Variants in SORCS3 observed in about 807,000 individuals in gnomAD.
SORCS3 encodes VPS10 domain-containing receptor SorCS3.
Under a neutral mutation model 146.3 loss-of-function variants are expected in SORCS3, and 57 were observed. The ratio of observed to expected loss-of-function variants is 0.39; its 90% CI spans 0.31 to 0.49. The LOEUF is 0.49. Among genes scored for constraint, SORCS3 ranks in the 20% least tolerant of loss-of-function variants. SORCS3 has a pLI of 0.92. For synonymous variants in SORCS3, 653 were observed against 618.5 expected, an observed-to-expected ratio of 1.06 and a Z score of -0.83; for missense variants, 1,341 against 1,575.5, an observed-to-expected ratio of 0.85 and a Z score of 2.52.
intron 6 of SORCS3, among the ~76,000 whole-genome samples, chr10:105,096,981 T>C (rs1055752032): frequency 1.3e-5 from 2 of 152,260 alleles, no homozygotes; most frequent in Non-Finnish European, 2.9e-5. Context: ...ACATGATTAC[T>C]GAAAAATTTA....
At chr10:104,838,704 C>A (rs1045723121) in intron 1 of SORCS3, among the ~76,000 whole-genome samples, 6 of 152,148 alleles carry the variant, frequency 3.9e-5, no homozygotes, top group Non-Finnish European at 7.3e-5. Context: ...ATTAGAATCT[C>A]ACCGTGGTGG....
chr10:105,030,531 G>T (rs1415322282), intron 4 of SORCS3, among the ~76,000 whole-genome samples: 1 of 151,984 alleles, frequency 6.6e-6, no homozygotes, highest in Non-Finnish European at 1.5e-5. Context: ...CAAGGAACAA[G>T]GACAATCTAG....
chr10:105,045,617 G>A (rs2055366835), intron 5 of SORCS3, among the ~76,000 whole-genome samples: 1 of 152,064 alleles, frequency 6.6e-6, no homozygotes, highest in East Asian at 1.9e-4. Context: ...GGTTAGGGAT[G>A]TAAATATTAA....
chr10:104,927,838 A>G (rs955064679), intron 3 of SORCS3, among the ~76,000 whole-genome samples: 4 of 151,386 alleles, frequency 2.6e-5, no homozygotes, highest in Admixed American at 2.0e-4. Context: ...AGATCGTACC[A>G]TTGCACTCCA....
At chr10:104,980,961 G>T (rs752686068) in intron 4 of SORCS3, among the ~76,000 whole-genome samples, 6 of 152,164 alleles carry the variant, frequency 3.9e-5, no homozygotes, top group Non-Finnish European at 7.3e-5. Flanking sequence ...AGTTAACTGG[G>T]AAACATGTCT....
chr10:104,897,092 T>C (rs1482259004), intron 2 of SORCS3, among the ~76,000 whole-genome samples: 1 of 152,172 alleles, frequency 6.6e-6, no homozygotes, highest in African/African-American at 2.4e-5. Flanking sequence ...GTTCATTTAA[T>C]GTGCAAAACT....
At chr10:105,123,973 G>A (rs1345527366) in intron 7 of SORCS3, among the ~76,000 whole-genome samples, 4 of 152,182 alleles carry the variant, frequency 2.6e-5, no homozygotes, top group Non-Finnish European at 5.9e-5. Flanking sequence ...ACAATTATGT[G>A]TGTGAGTATA....
chr10:105,034,117 G>C (rs1404856256), intron 4 of SORCS3, among the ~76,000 whole-genome samples: 2 of 152,118 alleles, frequency 1.3e-5, no homozygotes, highest in East Asian at 1.9e-4. Flanking sequence ...TTCATGCTTT[G>C]ATGAATGTTG....
rs919594954 is a variant in SORCS3 at position 104,737,374 on chromosome 10, A to C, written c.627+95420A>C. 3.9e-4 allele frequency among the ~76,000 whole-genome samples: 59 copies of C among 152,178 alleles called. 1 individual carries two copies. The highest frequency in any genetic ancestry group is 1.4e-3 in the Admixed American group (21 of 15,294). On this transcript the variant is annotated intron_variant, in intron 1 of 26. Transcript: ENST00000369701. ...GCCACACTGACTTCCACAATGGTTG[A>C]ACTAGTTTACAGTCCCACCAACAGT...
chr10:104,789,204 AG>A (rs1234746008), intron 1 of SORCS3, among the ~76,000 whole-genome samples: 1 of 152,206 alleles, frequency 6.6e-6, no homozygotes, highest in Non-Finnish European at 1.5e-5. Flanking sequence ...ACCTTGTTCA[AG>A]GTCCAGGCTT....
intron 1 of SORCS3, among the ~76,000 whole-genome samples, chr10:104,800,351 A>T (rs537514702): frequency 8.5e-5 from 13 of 152,192 alleles, no homozygotes; most frequent in Admixed American, 2.6e-4. Flanking sequence ...GAATGGGCAG[A>T]CCACAGAGTA....
chr10:104,703,711 G>GT (rs11338927), intron 1 of SORCS3, among the ~76,000 whole-genome samples: 78,530 of 135,188 alleles, frequency 0.58, 23,341 homozygotes, highest in East Asian at 0.85. Context: ...CATGTATCCT[G>GT]TTTTTTTTTT....
intron 1 of SORCS3, among the ~76,000 whole-genome samples, chr10:104,836,779 A>G (rs1210058388): frequency 2.0e-5 from 3 of 151,924 alleles, no homozygotes; most frequent in Non-Finnish European, 2.9e-5. Flanking sequence ...TGCGTATATC[A>G]TGGTGCACTC....
At chr10:104,786,669 T>A (rs1589498809) in intron 1 of SORCS3, among the ~76,000 whole-genome samples, 1 of 150,340 alleles carries the variant, frequency 6.7e-6, no homozygotes. Context: ...TGGCTTCAGG[T>A]TCAGGTGCAG....
chr10:104,770,747 G>C (rs1313492994), intron 1 of SORCS3, among the ~76,000 whole-genome samples: 2 of 151,996 alleles, frequency 1.3e-5, no homozygotes, highest in Non-Finnish European at 2.9e-5. Flanking sequence ...GCCGGTGGAT[G>C]ATTTGAGCCT....
At chr10:105,077,749 A>T (rs1395922200) in intron 5 of SORCS3, among the ~76,000 whole-genome samples, 2 of 152,170 alleles carry the variant, frequency 1.3e-5, no homozygotes, top group Non-Finnish European at 2.9e-5. Context: ...GGTCTCGTAA[A>T]CCAATCCTAA....
chr10:105,116,049 G>T (rs989120007), intron 7 of SORCS3, among the ~76,000 whole-genome samples: 1 of 152,154 alleles, frequency 6.6e-6, no homozygotes, highest in Non-Finnish European at 1.5e-5. Context: ...CCAAATGGAG[G>T]TTCTTTAAAT....
intron 1 of SORCS3, among the ~76,000 whole-genome samples, chr10:104,696,675 C>T (rs11597551): frequency 0.037 from 323 of 8,704 alleles, 3 homozygotes; most frequent in East Asian, 0.11. Flanking sequence ...TAATATATAA[C>T]ATATATAATA....
intron 1 of SORCS3, among the ~76,000 whole-genome samples, chr10:104,764,759 AT>A (rs2017160249): frequency 1.3e-5 from 2 of 152,122 alleles, no homozygotes; most frequent in Admixed American, 1.3e-4. Flanking sequence ...CTAGGAATAT[AT>A]TTTTCACCTG....
Sources: gnomAD v4.1 joint callset for allele counts (sites outside exome capture counted in the v4.1 genomes callset) on GRCh38, gnomAD v4.1.1 for gene constraint, MANE v1.5 for transcripts, NCBI Gene and HGNC (gene_info 2026-07-23, HGNC 2026-07-21) for gene names.